Variants in AOPEP observed in about 807,000 individuals in gnomAD.
The protein encoded by AOPEP is aminopeptidase O.
AOPEP carries 77 observed loss-of-function variants against 98.1 expected under a neutral mutation model. The observed-to-expected ratio is 0.78, with a 90% CI of 0.65 to 0.95. The LOEUF is 0.95. Among genes scored for constraint, AOPEP ranks in the 40% least tolerant of loss-of-function variants. AOPEP has a pLI of 0.00. For synonymous variants in AOPEP, 346 were observed against 365.3 expected (o/e 0.95, Z 0.60); for missense variants, 1,024 against 1,024.7 (o/e 1.00, Z 0.01).
intron 13 of AOPEP, among the ~76,000 whole-genome samples, chr9:95,042,497 G>A (rs957361180): frequency 1.6e-4 from 25 of 152,088 alleles, no homozygotes; most frequent in African/African-American, 6.0e-4. Flanking sequence ...TACAAATATT[G>A]TGGCTTAAAA....
At chr9:94,817,415 G>A (rs920526509) in intron 5 of AOPEP, among the ~76,000 whole-genome samples, 4 of 152,304 alleles carry the variant, frequency 2.6e-5, no homozygotes, top group Admixed American at 1.3e-4. Context: ...CAGTATTTAC[G>A]AAATGCTGCA....
At chr9:95,127,949 TTAAA>T in the AOPEP span, among the ~76,000 whole-genome samples, 1 of 152,266 alleles carries the variant, frequency 6.6e-6, no homozygotes, top group Non-Finnish European at 1.5e-5. Flanking sequence ...GTCCTACTCT[TTAAA>T]TAATCTATGC....
Position 94,979,346 on chromosome 9 carries a change from TTTG to T in AOPEP, c.1917-15_1917-13del, listed in dbSNP as rs1227749826. 8.3e-6 allele frequency: 13 copies of T among 1,565,932 alleles called. No individual in the cohort carries two copies. The highest frequency in any genetic ancestry group is 1.1e-5 in the Non-Finnish European group (13 of 1,142,804). On this transcript the variant is annotated intron_variant, in intron 10 of 16. Coordinates refer to ENST00000375315, the MANE Select transcript of AOPEP (RefSeq NM_001193329.3). ...TCTGTAACTTTTTAATCCTTTACTT[TTTG>T]TTGTTTTATTTCTAAAGGCTTGAGC...
the AOPEP span, among the ~76,000 whole-genome samples, chr9:95,141,053 T>C: frequency 3.3e-5 from 5 of 152,124 alleles, no homozygotes; most frequent in African/African-American, 1.2e-4. Flanking sequence ...CTCAGGCCTG[T>C]AGTCTCAGCA....
intron 5 of AOPEP, among the ~76,000 whole-genome samples, chr9:94,898,122 G>T (rs538945003): frequency 6.6e-6 from 1 of 152,182 alleles, no homozygotes; most frequent in African/African-American, 2.4e-5. Flanking sequence ...TTACAGGCAT[G>T]AGCCACTGTG....
At chr9:95,023,309 G>A (rs536986873) in intron 13 of AOPEP, among the ~76,000 whole-genome samples, 1 of 152,214 alleles carries the variant, frequency 6.6e-6, no homozygotes, top group Non-Finnish European at 1.5e-5. Context: ...ATGAGGGCAC[G>A]TTTGGAACAT....
intron 9 of AOPEP, among the ~76,000 whole-genome samples, chr9:94,961,273 G>C (rs1287385433): frequency 6.6e-6 from 1 of 151,860 alleles, no homozygotes; most frequent in Non-Finnish European, 1.5e-5. Flanking sequence ...TGGTGTCTAT[G>C]GTTTTCTATC....
At chr9:94,871,046 T>G (rs2046293077) in intron 5 of AOPEP, among the ~76,000 whole-genome samples, 1 of 152,218 alleles carries the variant, frequency 6.6e-6, no homozygotes, top group South Asian at 2.1e-4. Context: ...CTCTTCCTAA[T>G]GTGGGTGTGG....
intron 1 of AOPEP, among the ~76,000 whole-genome samples, chr9:94,757,497 G>A (rs191220923): frequency 6.6e-6 from 1 of 152,318 alleles, no homozygotes. Flanking sequence ...AGGCTTGAGT[G>A]GATAGGGCTC....
chr9:94,758,406 G>T (rs1704927216), intron 1 of AOPEP, among the ~76,000 whole-genome samples: 1 of 152,186 alleles, frequency 6.6e-6, no homozygotes, highest in Non-Finnish European at 1.5e-5. Context: ...TTTTGAAGAG[G>T]AAATAGTCTG....
chr9:94,832,786 C>T (rs905704381), intron 5 of AOPEP, among the ~76,000 whole-genome samples: 1 of 150,230 alleles, frequency 6.7e-6, no homozygotes, highest in East Asian at 2.0e-4. Context: ...ATGTCAATTC[C>T]ATTGGACTTT....
chr9:95,001,251 G>A (rs948740333), intron 11 of AOPEP, among the ~76,000 whole-genome samples: 1 of 152,166 alleles, frequency 6.6e-6, no homozygotes, highest in African/African-American at 2.4e-5. Context: ...AATCAATCAC[G>A]AGGTTAAATA....
chr9:94,781,267 C>G (rs186489292), intron 3 of AOPEP, among the ~76,000 whole-genome samples: 1 of 152,216 alleles, frequency 6.6e-6, no homozygotes, highest in Non-Finnish European at 1.5e-5. Flanking sequence ...TATAGCTAAA[C>G]TATTGAGCGC....
intron 13 of AOPEP, among the ~76,000 whole-genome samples, chr9:95,024,874 C>T (rs1179024599): frequency 6.6e-6 from 1 of 152,166 alleles, no homozygotes; most frequent in Non-Finnish European, 1.5e-5. Flanking sequence ...GATTGGCCCT[C>T]TTATCATACT....
intron 10 of AOPEP, among the ~76,000 whole-genome samples, chr9:94,978,987 A>G (rs1000844176): frequency 6.6e-6 from 1 of 152,102 alleles, no homozygotes; most frequent in African/African-American, 2.4e-5. Flanking sequence ...GACGCACTCA[A>G]TGCCATGATG....
chr9:95,043,004 G>A (rs906015774), intron 13 of AOPEP, among the ~76,000 whole-genome samples: 2 of 151,876 alleles, frequency 1.3e-5, no homozygotes, highest in African/African-American at 4.8e-5. Context: ...AGGGTGCAGT[G>A]GCCCATACCT....
intron 14 of AOPEP, among the ~76,000 whole-genome samples, chr9:95,075,518 C>T (rs2068954818): frequency 6.6e-6 from 1 of 152,070 alleles, no homozygotes; most frequent in Non-Finnish European, 1.5e-5. Context: ...CTAGAAAAAG[C>T]CAGTGATCCA....
intron 7 of AOPEP, among the ~76,000 whole-genome samples, chr9:94,952,304 G>C (rs771649253): frequency 1.3e-5 from 2 of 152,194 alleles, no homozygotes; most frequent in Non-Finnish European, 2.9e-5. Flanking sequence ...ATACATTAAA[G>C]TGCACAAGTC....
chr9:94,877,664 G>A (rs2047117417), intron 5 of AOPEP, among the ~76,000 whole-genome samples: 1 of 152,036 alleles, frequency 6.6e-6, no homozygotes, highest in Admixed American at 6.6e-5. Flanking sequence ...CAAGTGATCT[G>A]CCCACCTTGG....
Sources: allele counts gnomAD v4.1 joint callset (sites outside exome capture counted in the v4.1 genomes callset), GRCh38; gene constraint gnomAD v4.1.1; transcripts MANE v1.5; gene names NCBI Gene and HGNC (gene_info 2026-07-23, HGNC 2026-07-21).